The following NR2E1 variants were observed in gnomAD, a reference collection of about 807,000 sequenced individuals.
NR2E1 encodes the protein nuclear receptor TLX.
NR2E1 carries 5 observed loss-of-function variants against 43.6 expected under a neutral mutation model. That is an observed-to-expected ratio of 0.11 (90% CI 0.06 to 0.24). The LOEUF is 0.24. Ranked by LOEUF, NR2E1 falls within the 10% of genes least tolerant of loss-of-function variation. The probability of loss-of-function intolerance (pLI) is 1.00; values close to 1 mark genes in which losing one functional copy is unlikely to be tolerated. For synonymous variants in NR2E1, 191 were observed against 195.5 expected, an observed-to-expected ratio of 0.98 and a Z score of 0.19; for missense variants, 287 against 496.7, an observed-to-expected ratio of 0.58 and a Z score of 4.01.
At position 108,176,406 on chromosome 6, in the gene NR2E1, C is replaced by G. The variant is rs1012549467; in HGVS notation, c.260-97C>G. The G allele has an allele frequency of 9.3e-6, 12 of 1,291,234 alleles. No homozygotes were observed. The Admixed American group carries it at 2.4e-4, about 26-fold the overall frequency. 80.0% of individuals were successfully genotyped at this position (1,291,234 alleles called of 1,614,324 possible). A position where few individuals can be genotyped will look rare whatever the true frequency, so the allele number is the denominator to read the frequency against. Reference sequence around the variant, plus strand: ...CACCTCTTGGGCGATTTTGCCCGCCCAGACTTGACATTGGGGCGGGGCTGG... The same window carrying G: ...CACCTCTTGGGCGATTTTGCCCGCCGAGACTTGACATTGGGGCGGGGCTGG... On this transcript the variant is annotated intron_variant, in intron 3 of 8. Transcript: ENST00000368986.
Position 108,166,895 on chromosome 6 carries a change from T to G in NR2E1, c.25+105T>G, listed in dbSNP as rs1773718053. On this transcript the variant is annotated intron_variant, in intron 1 of 8. Transcript: ENST00000368986. The surrounding 1 kb of genome is among the most constrained non-coding windows in gnomAD (Gnocchi z 7.2). ...CTGGAGCGCTGCGAATCTGAGCCCC[T>G]GAGAGGGATTCCAGCGGGCGTGTGC... The G allele has an allele frequency of 8.3e-7, 1 of 1,199,448 alleles. No homozygotes were observed. The highest frequency in any genetic ancestry group is 1.5e-5 in the African/African-American group (1 of 66,498). 74.3% of individuals were successfully genotyped at this position (1,199,448 alleles called of 1,614,324 possible). A position where few individuals can be genotyped will look rare whatever the true frequency, so the allele number is the denominator to read the frequency against.
At position 108,166,502 on chromosome 6, in the gene NR2E1, G is replaced by A; in HGVS notation, c.-264G>A. The A allele has an allele frequency of 2.1e-6, 1 of 475,058 alleles. No homozygotes were observed. The allele number at this position is 475,058 out of a possible 1,614,324, so 29.4% of individuals were successfully genotyped here. A position where few individuals can be genotyped will look rare whatever the true frequency, so the allele number is the denominator to read the frequency against. On this transcript the variant is annotated 5_prime_UTR_variant, in exon 1 of 9. The change creates a new upstream start codon in the 5' untranslated region. Transcript: ENST00000368986. The surrounding 1 kb of genome is among the most constrained non-coding windows in gnomAD (Gnocchi z 7.2). ...CATCTCTCCATCTGTCTGTCCATGTGTGTGTCCATATCAAGCAGCATTCCC... is the reference window on the plus strand; with the variant it reads ...CATCTCTCCATCTGTCTGTCCATGTATGTGTCCATATCAAGCAGCATTCCC...
At chr6:108,177,522 A>G (rs1431426742) in intron 4 of NR2E1, among the ~76,000 whole-genome samples, 2 of 152,258 alleles carry the variant, frequency 1.3e-5, no homozygotes, top group East Asian at 3.8e-4. Context: ...ACCTGGGCAC[A>G]TGCACACGCA....
Position 108,187,835 on chromosome 6 carries a change from A to T in NR2E1, c.*372A>T. 3.2e-6 allele frequency: 1 copy of T among 312,822 alleles called. No homozygotes were observed. The highest frequency in any genetic ancestry group is 4.3e-5 in the Admixed American group (1 of 23,246). The allele number at this position is 312,822 out of a possible 1,614,324, so 19.4% of individuals were successfully genotyped here. A position where few individuals can be genotyped will look rare whatever the true frequency, so the allele number is the denominator to read the frequency against. Reference sequence around the variant, plus strand: ...CTTTCTCTTCCTTTTTAGCATACAAAGTTTGGTAACCAAATATAGCTCTGT... The same window carrying T: ...CTTTCTCTTCCTTTTTAGCATACAATGTTTGGTAACCAAATATAGCTCTGT... On this transcript the variant is annotated 3_prime_UTR_variant, in exon 9 of 9. Coordinates refer to ENST00000368986, the MANE Select transcript of NR2E1 (RefSeq NM_003269.5).
At position 108,180,835 on chromosome 6, in the gene NR2E1, G is replaced by A; in HGVS notation, c.768G>A (p.Gln256=). 6.2e-7 allele frequency: 1 copy of A among 1,614,120 alleles called. No homozygotes were observed. The highest frequency in any genetic ancestry group is 1.6e-4 in the Middle Eastern group (1 of 6,062). The change falls in exon 7 of 9, where the codon CAG becomes CAA. Residue 256 remains glutamine, a synonymous_variant. Coordinates refer to ENST00000368986, the MANE Select transcript of NR2E1 (RefSeq NM_003269.5). The surrounding 1 kb of genome is among the most constrained non-coding windows in gnomAD (Gnocchi z 5.4). ...SGMNGDNTDS[Q]KLNKIISEIQ... ...TGAACGGTGACAACACAGATTCCCA[G>A]AAGCTGAACAAGATCATATCTGAAA...
intron 2 of NR2E1, among the ~76,000 whole-genome samples, chr6:108,173,602 CA>C (rs1454986394): frequency 2.0e-5 from 3 of 152,136 alleles, no homozygotes; most frequent in Non-Finnish European, 4.4e-5. Flanking sequence ...TAAAGGGCTT[CA>C]GGGGGAAGAA....
At position 108,176,667 on chromosome 6, in the gene NR2E1, C is replaced by T. The variant is rs1195845598; in HGVS notation, c.424C>T (p.Leu142=). ...TAVTQLEPHG[L]ELAAVSTTPE... is the part of the protein sequence containing the mutation. The stretch of plus-strand genomic sequence containing the variant: ...GGTCACGCAGCTGGAGCCGCACGGC[C>T]TGGAGCTGGCCGCGGTGTCCACCAC... Residue 142 remains leucine (L), a synonymous_variant, in exon 4 of 9, where the codon CTG becomes TTG. Transcript: ENST00000368986. 1.2e-5 allele frequency: 20 copies of T among 1,603,338 alleles called. No homozygotes were observed. Among genetic ancestry groups the T allele is most frequent in the Non-Finnish European group, 1.7e-5 (20 of 1,177,480 alleles).
At position 108,169,598 on chromosome 6, in the gene NR2E1, C is replaced by G. The variant is rs1291186293; in HGVS notation, c.26-1860C>G. Among the ~76,000 whole-genome samples the G allele has an allele frequency of 1.3e-5, 2 of 152,150 alleles. No homozygotes were observed. Among genetic ancestry groups the G allele is most frequent in the African/African-American group, 2.4e-5 (1 of 41,434 alleles). On this transcript the variant is annotated intron_variant, in intron 1 of 8. Transcript: ENST00000368986. This position sits in a 1 kb window ranked among gnomAD's most constrained non-coding sequence, Gnocchi z 6.1. ...GAGGATGGTTGTAAGATATGGAAAC[C>G]AAGTTTACCGCTTCCAGAGTGAGTG...
At chr6:108,178,957 C>T (rs1773943368) in intron 5 of NR2E1, 4 of 152,474 alleles carry the variant, frequency 2.6e-5, no homozygotes, top group Admixed American at 2.6e-4. Context: ...ATTTTTCTAA[C>T]CTTAAAGGAA....
intron 2 of NR2E1, 61 bp from the exon 3 acceptor site, chr6:108,174,775 C>G (rs1455705272): frequency 2.1e-6 from 3 of 1,450,428 alleles, no homozygotes; most frequent in Admixed American, 3.4e-5. Context: ...GCCCGGGTGC[C>G]GGCTCCGGGT....
intron 8 of NR2E1, among the ~76,000 whole-genome samples, chr6:108,186,146 T>C (rs1582451953): frequency 6.7e-6 from 1 of 150,196 alleles, no homozygotes; most frequent in Non-Finnish European, 1.5e-5. Context: ...GATTTAAGTA[T>C]TTTTTTTTAA....
At chr6:108,185,554 G>A (rs1774064160) in intron 8 of NR2E1, among the ~76,000 whole-genome samples, 1 of 152,056 alleles carries the variant, frequency 6.6e-6, no homozygotes, top group Admixed American at 6.5e-5. Flanking sequence ...GGGACTACAG[G>A]TGCCCAGCGA....
Position 108,166,913 on chromosome 6 carries a change from G to A in NR2E1, c.25+123G>A. The A allele has an allele frequency of 1.9e-6, 2 of 1,070,942 alleles. No individual in the cohort carries two copies. The highest frequency in any genetic ancestry group is 2.7e-5 in the South Asian group (2 of 74,080). 66.3% of individuals were successfully genotyped at this position (1,070,942 alleles called of 1,614,324 possible). A position where few individuals can be genotyped will look rare whatever the true frequency, so the allele number is the denominator to read the frequency against. On this transcript the variant is annotated intron_variant, in intron 1 of 8. Transcript: ENST00000368986. The surrounding 1 kb of genome is among the most constrained non-coding windows in gnomAD (Gnocchi z 7.2). ...GAGCCCCTGAGAGGGATTCCAGCGG[G>A]CGTGTGCGTTCGGCCCAGACCTGTA...
chr6:108,167,940 G>A (rs1773738294), intron 1 of NR2E1: 1 of 1,430,950 alleles, frequency 7.0e-7, no homozygotes, highest in Non-Finnish European at 9.4e-7. Flanking sequence ...CTCCAAGAAG[G>A]AGGTTGTGTT....
In NR2E1 at chr6:108,180,326, A is replaced by G. The variant is rs1773964238; in HGVS notation, c.646A>G (p.Met216Val). 1 of 1,602,202 alleles carries G rather than the reference A, an allele frequency of 6.2e-7. No individual in the cohort carries two copies. Among genetic ancestry groups the G allele is most frequent in the Non-Finnish European group, 8.6e-7 (1 of 1,169,256 alleles). ...FSTLSLQDQL[M>V]LLEDAWRELF... ...TTATACATCTATTGTATGACAGCTG[A>G]TGCTTTTGGAAGATGCTTGGAGAGA... The change falls in exon 6 of 9, where the codon ATG becomes GTG. Residue 216 changes from methionine to valine, a missense_variant. Coordinates refer to ENST00000368986, the MANE Select transcript of NR2E1 (RefSeq NM_003269.5). The surrounding 1 kb of genome is among the most constrained non-coding windows in gnomAD (Gnocchi z 5.4).
intron 1 of NR2E1, among the ~76,000 whole-genome samples, chr6:108,168,447 G>A (rs1188108132): frequency 5.9e-5 from 9 of 152,206 alleles, no homozygotes; most frequent in Admixed American, 3.3e-4. Flanking sequence ...AGCTCTGCCC[G>A]CCTGCGGCTG....
chr6:108,169,494 G>A lies in NR2E1; in HGVS notation c.26-1964G>A, dbSNP rs1773768914. Among the ~76,000 whole-genome samples, 1 of 152,204 alleles carries A rather than the reference G, an allele frequency of 6.6e-6. No homozygotes were observed. The highest frequency in any genetic ancestry group is 1.5e-5 in the Non-Finnish European group (1 of 68,038). ...CTTGGCATCTTCAACAGTGCCACAG[G>A]GAAGAGGACAGCTGGGGTGACAGTA... is the stretch of plus-strand genomic sequence containing the variant. On this transcript the variant is annotated intron_variant, in intron 1 of 8. Transcript: ENST00000368986. The surrounding 1 kb of genome is among the most constrained non-coding windows in gnomAD (Gnocchi z 6.1).
In NR2E1 at chr6:108,166,743, C is replaced by A; in HGVS notation, c.-23C>A. 2 of 1,556,452 alleles carry A rather than the reference C, an allele frequency of 1.3e-6. No homozygotes were observed. Among genetic ancestry groups the A allele is most frequent in the Non-Finnish European group, 1.7e-6 (2 of 1,156,462 alleles). On this transcript the variant is annotated 5_prime_UTR_variant, in exon 1 of 9. Transcript: ENST00000368986. The surrounding 1 kb of genome is among the most constrained non-coding windows in gnomAD (Gnocchi z 7.2). The stretch of plus-strand genomic sequence containing the variant: ...CGGGACTCGGGCAGCGCCCACCAAC[C>A]GCTCCGCCCCGGGACAGCCAGCATG...
intron 1 of NR2E1, chr6:108,167,980 T>C (rs1292843442): frequency 1.3e-6 from 2 of 1,551,874 alleles, no homozygotes; most frequent in South Asian, 1.2e-5. Flanking sequence ...GGTGCTGACC[T>C]TTAAAAAATT....
Sources: allele counts gnomAD v4.1 joint callset (sites outside exome capture counted in the v4.1 genomes callset), GRCh38; gene constraint gnomAD v4.1.1; non-coding constraint Gnocchi (gnomAD v3.1); transcripts MANE v1.5; gene names NCBI Gene and HGNC (gene_info 2026-07-23, HGNC 2026-07-21).